Variants in TSHZ2 observed in about 807,000 individuals in gnomAD.
TSHZ2 encodes teashirt homolog 2.
A neutral mutation model predicts 74.4 loss-of-function variants in TSHZ2; 21 were observed. That is an observed-to-expected ratio of 0.28 (90% CI 0.20 to 0.41). TSHZ2 has a LOEUF of 0.41. Among genes scored for constraint, TSHZ2 ranks in the 10% least tolerant of loss-of-function variants. The probability of loss-of-function intolerance (pLI) is 1.00; values close to 1 mark genes in which losing one functional copy is unlikely to be tolerated. For synonymous variants in TSHZ2, 540 were observed against 515.3 expected (o/e 1.05, Z -0.65); for missense variants, 1,244 against 1,293.5 (o/e 0.96, Z 0.59).
chr20:53,050,103 G>GTATGTATATATATATATA (rs1422702818), intron 1 of TSHZ2, among the ~76,000 whole-genome samples: 7 of 116,058 alleles, frequency 6.0e-5, no homozygotes, highest in African/African-American at 2.7e-4. Context: ...GTATATGTGT[G>GTATGTATATATATATATA]TATATATATA....
rs1290948724 is a variant in TSHZ2, at chr20:53,488,363, TAC to T, written c.*1232_*1233del. 6.6e-6 allele frequency: 1 copy of T among 152,546 alleles called. No individual in the cohort carries two copies. The highest frequency in any genetic ancestry group is 2.4e-5 in the African/African-American group (1 of 41,470). 9.4% of individuals were successfully genotyped at this position (152,546 alleles called of 1,614,324 possible). A position where few individuals can be genotyped will look rare whatever the true frequency, so the allele number is the denominator to read the frequency against. On this transcript the variant is annotated 3_prime_UTR_variant, in exon 3 of 3. Transcript: ENST00000371497. Reference sequence around the variant, plus strand: ...GTTATTATTAACGGGAATACTGTATTACACAGATTAAAATCAGGTCCTAAGTC... The same window carrying T: ...GTTATTATTAACGGGAATACTGTATTACAGATTAAAATCAGGTCCTAAGTC...
intron 1 of TSHZ2, among the ~76,000 whole-genome samples, chr20:53,246,618 GA>G: frequency 6.6e-6 from 1 of 152,234 alleles, no homozygotes; most frequent in East Asian, 1.9e-4. Flanking sequence ...CCACTGTGAC[GA>G]AAGTCCTAGT....
At chr20:53,468,544 C>G (rs1568931352) in intron 2 of TSHZ2, among the ~76,000 whole-genome samples, 1 of 152,022 alleles carries the variant, frequency 6.6e-6, no homozygotes, top group Non-Finnish European at 1.5e-5. Context: ...TTTGCACACA[C>G]TGGTGAAGAG....
intron 1 of TSHZ2, among the ~76,000 whole-genome samples, chr20:53,201,032 A>G (rs535384636): frequency 6.6e-6 from 1 of 152,212 alleles, no homozygotes; most frequent in East Asian, 1.9e-4. Context: ...TTTTTTAAGA[A>G]AAAAAGAAAT....
chr20:53,143,227 C>G (rs1232638542), intron 1 of TSHZ2, among the ~76,000 whole-genome samples: 1 of 152,190 alleles, frequency 6.6e-6, no homozygotes, highest in East Asian at 1.9e-4. Flanking sequence ...AAGACTCACT[C>G]CTTTGCCCCA....
At chr20:53,000,142 G>A (rs1982358171) in intron 1 of TSHZ2, among the ~76,000 whole-genome samples, 3 of 152,158 alleles carry the variant, frequency 2.0e-5, no homozygotes, top group Non-Finnish European at 4.4e-5. Context: ...TTTCAAGCAG[G>A]GGTTGACAAA....
intron 1 of TSHZ2, among the ~76,000 whole-genome samples, chr20:53,131,346 T>G (rs1221594310): frequency 6.6e-6 from 1 of 152,240 alleles, no homozygotes; most frequent in Non-Finnish European, 1.5e-5. Context: ...ATCTTCATTT[T>G]CTTCTTCAGT....
chr20:53,237,891 G>A (rs1267285652), intron 1 of TSHZ2, among the ~76,000 whole-genome samples: 1 of 152,112 alleles, frequency 6.6e-6, no homozygotes, highest in Non-Finnish European at 1.5e-5. Context: ...AACCGTACTC[G>A]AGACGGGTAC....
intron 2 of TSHZ2, among the ~76,000 whole-genome samples, chr20:53,463,475 G>C (rs1338988369): frequency 1.5e-5 from 2 of 134,588 alleles, no homozygotes; most frequent in African/African-American, 2.7e-5. Context: ...TGGCTTAGGG[G>C]GTAGGGAGAG....
chr20:53,356,195 C>G (rs572923107), intron 2 of TSHZ2, among the ~76,000 whole-genome samples: 1 of 152,168 alleles, frequency 6.6e-6, no homozygotes, highest in African/African-American at 2.4e-5. Flanking sequence ...ATACTGTTGA[C>G]TTACTATTCT....
chr20:52,986,401 C>CA (rs34991984), intron 1 of TSHZ2, among the ~76,000 whole-genome samples: 28,535 of 120,558 alleles, frequency 0.24, 3,626 homozygotes, highest in East Asian at 0.54. Flanking sequence ...AAGAATCCAT[C>CA]AAAAAAAAAA....
chr20:53,289,275 C>T (rs560834408), intron 2 of TSHZ2, among the ~76,000 whole-genome samples: 39 of 152,288 alleles, frequency 2.6e-4, no homozygotes, highest in East Asian at 7.7e-4. Flanking sequence ...GCTATAAACA[C>T]GCATGTGCAA....
At chr20:53,193,906 T>G (rs142131033) in intron 1 of TSHZ2, among the ~76,000 whole-genome samples, 81 of 152,308 alleles carry the variant, frequency 5.3e-4, no homozygotes, top group African/African-American at 1.9e-3. Context: ...TCTCTAGCAT[T>G]CCGCATAAAA....
chr20:53,312,682 CTTAA>C (rs1442872484), intron 2 of TSHZ2, among the ~76,000 whole-genome samples: 1 of 152,120 alleles, frequency 6.6e-6, no homozygotes, highest in African/African-American at 2.4e-5. Context: ...GTTCCGAGTT[CTTAA>C]TTAAGGGCCT....
chr20:53,449,877 T>G (rs1350052357), intron 2 of TSHZ2, among the ~76,000 whole-genome samples: 1 of 152,214 alleles, frequency 6.6e-6, no homozygotes, highest in African/African-American at 2.4e-5. Context: ...TACTTCCCTT[T>G]GGCAACATTG....
intron 2 of TSHZ2, among the ~76,000 whole-genome samples, chr20:53,284,928 G>A (rs1991136615): frequency 6.6e-6 from 1 of 152,096 alleles, no homozygotes; most frequent in Non-Finnish European, 1.5e-5. Flanking sequence ...TCAGTTCAGT[G>A]ATATGAAAGG....
At chr20:53,025,895 C>G (rs1334121797) in intron 1 of TSHZ2, among the ~76,000 whole-genome samples, 1 of 152,110 alleles carries the variant, frequency 6.6e-6, no homozygotes, top group African/African-American at 2.4e-5. Context: ...TTCAGCCACC[C>G]CCACCCATAA....
intron 1 of TSHZ2, among the ~76,000 whole-genome samples, chr20:53,105,275 C>A (rs942904984): frequency 3.9e-5 from 6 of 152,220 alleles, no homozygotes; most frequent in African/African-American, 1.4e-4. Context: ...AGCAAGATTT[C>A]TCCACTTCCT....
intron 2 of TSHZ2, among the ~76,000 whole-genome samples, chr20:53,472,150 T>A (rs1000717696): frequency 7.2e-5 from 11 of 152,132 alleles, no homozygotes; most frequent in African/African-American, 2.2e-4. Context: ...CCCAACTTAA[T>A]TTGAGATTTT....
Sources: gnomAD v4.1 joint callset for allele counts (sites outside exome capture counted in the v4.1 genomes callset) on GRCh38, gnomAD v4.1.1 for gene constraint, MANE v1.5 for transcripts, NCBI Gene and HGNC (gene_info 2026-07-23, HGNC 2026-07-21) for gene names.